Variants in CAPN7 observed in about 807,000 individuals in gnomAD.
The protein encoded by CAPN7 is calpain 7.
In CAPN7, 72 loss-of-function variants were observed where a neutral mutation model predicts 115.2. That is an observed-to-expected ratio of 0.63 (90% confidence interval 0.52 to 0.76). CAPN7 has a LOEUF of 0.76. CAPN7 is among the 30% of genes least tolerant of loss of function. The pLI, the probability that CAPN7 is intolerant of heterozygous loss-of-function variation, is 0.00. For synonymous variants in CAPN7, 344 were observed against 322.3 expected, an observed-to-expected ratio of 1.07 and a Z score of -0.72; for missense variants, 905 against 971.5, an observed-to-expected ratio of 0.93 and a Z score of 0.91.
chr3:15,235,585 A>T (rs904240384), intron 12 of CAPN7, among the ~76,000 whole-genome samples: 4 of 152,042 alleles, frequency 2.6e-5, no homozygotes, highest in African/African-American at 9.7e-5. Flanking sequence ...TCAGGATAAA[A>T]CTGTTTTACC....
In CAPN7 at chr3:15,240,759, T is replaced by G; in HGVS notation, c.1558T>G (p.Phe520Val). ...RTAQKIDNGI[F>V]WISWDDLCQY... Reference sequence around the variant, plus strand: ...ACAAAGATATTAATTTTCAGGAATATTTTGGATTTCCTGGGATGATCTCTG... The same window carrying G: ...ACAAAGATATTAATTTTCAGGAATAGTTTGGATTTCCTGGGATGATCTCTG... The change falls in exon 14 of 21, where the codon TTT (phenylalanine) becomes GTT (valine). Residue 520 changes from phenylalanine (F) to valine (V), a missense_variant. Coordinates refer to ENST00000253693, the MANE Select transcript of CAPN7 (RefSeq NM_014296.3). 6.2e-7 allele frequency: 1 copy of G among 1,602,548 alleles called. No individual in the cohort carries two copies. Among genetic ancestry groups the G allele is most frequent in the Non-Finnish European group, 8.5e-7 (1 of 1,172,982 alleles).
rs1013001651 is a variant in CAPN7, at chr3:15,206,277, C to T, written c.-219C>T. The T allele has an allele frequency of 1.9e-5, 8 of 428,120 alleles. No homozygotes were observed. The highest frequency in any genetic ancestry group is 1.3e-4 in the African/African-American group (6 of 47,462). 26.5% of individuals were successfully genotyped at this position (428,120 alleles called of 1,614,324 possible). On this transcript the variant is annotated 5_prime_UTR_variant, in exon 1 of 21. Transcript: ENST00000253693. ...CGCTGGGGCCGCGAAGTGGGGCGGC[C>T]GGGTGGGCTACAAGCCGGGTCTGGG...
intron 5 of CAPN7, 46 bp downstream of exon 5, chr3:15,221,027 G>T: frequency 6.9e-7 from 1 of 1,454,136 alleles, no homozygotes; most frequent in South Asian, 1.2e-5. Flanking sequence ...TTGTTAACAT[G>T]AATGCAGAAT....
At chr3:15,232,380 T>C (rs887766114) in intron 9 of CAPN7, 139 bp from the exon 10 acceptor site, 3 of 616,168 alleles carry the variant, frequency 4.9e-6, no homozygotes, top group African/African-American at 1.9e-5. Flanking sequence ...TTGGTATGAT[T>C]CTAGAAACAT....
rs769349556 is a variant in CAPN7, at chr3:15,245,710, A to T, written c.2010+39A>T. 4 of 1,584,198 alleles carry T rather than the reference A, an allele frequency of 2.5e-6. No homozygotes were observed. In the African/African-American group the frequency reaches 4.1e-5, roughly 16 times the overall value. ...ACACACAATGACAAAACACAGTAAT[A>T]TAAAGTATGTAATATGCTCTGCTTT... On this transcript the variant is annotated intron_variant, in intron 17 of 20. Transcript: ENST00000253693.
In CAPN7 at chr3:15,247,378, G is replaced by C; in HGVS notation, c.2125G>C (p.Glu709Gln). ...TGCTGGAGGATGTGGAAATTTCCAA[G>C]AGACTCACAAAAATAACCCCATCTA... ...QSAGGCGNFQ[E>Q]THKNNPIYQF... The change falls in exon 19 of 21, where the codon GAG becomes CAG. Residue 709 changes from glutamate (E) to glutamine (Q), a missense_variant. Coordinates refer to ENST00000253693, the MANE Select transcript of CAPN7 (RefSeq NM_014296.3). 1 of 1,611,154 alleles carries C rather than the reference G, an allele frequency of 6.2e-7. No homozygotes were observed. The highest frequency in any genetic ancestry group is 8.5e-7 in the Non-Finnish European group (1 of 1,178,528).
chr3:15,209,271 A>G (rs1176456833), intron 1 of CAPN7, among the ~76,000 whole-genome samples: 1 of 152,144 alleles, frequency 6.6e-6, no homozygotes. Flanking sequence ...CGGCTTCCCA[A>G]AGTGCTGGGA....
At chr3:15,206,841 A>C (rs1008093014) in intron 1 of CAPN7, among the ~76,000 whole-genome samples, 23 of 152,232 alleles carry the variant, frequency 1.5e-4, no homozygotes, top group African/African-American at 5.3e-4. Context: ...CTGACTGGCA[A>C]ATGCCCACCG....
chr3:15,220,363 A>G (rs1693902721), intron 4 of CAPN7, among the ~76,000 whole-genome samples: 1 of 152,052 alleles, frequency 6.6e-6, no homozygotes, highest in African/African-American at 2.4e-5. Flanking sequence ...CCCTTCTCCA[A>G]CTCATCCCCA....
intron 12 of CAPN7, among the ~76,000 whole-genome samples, chr3:15,237,986 A>G (rs1203377665): frequency 1.3e-5 from 2 of 151,914 alleles, no homozygotes; most frequent in East Asian, 1.9e-4. Flanking sequence ...GTATATTTAT[A>G]TATAAAGGTT....
chr3:15,223,463 C>T lies in CAPN7; in HGVS notation c.639-12C>T, dbSNP rs754379549. ...AACTTGAACATTTAGGTTTTTTTCTCGTGTTTGATAGGACAACATCAAAAA... is the reference window on the plus strand; with the variant it reads ...AACTTGAACATTTAGGTTTTTTTCTTGTGTTTGATAGGACAACATCAAAAA... On this transcript the variant is annotated splice_polypyrimidine_tract_variant and intron_variant, in intron 5 of 20. Coordinates refer to ENST00000253693, the MANE Select transcript of CAPN7 (RefSeq NM_014296.3). 18 of 1,549,308 alleles carry T rather than the reference C, an allele frequency of 1.2e-5. No homozygotes were observed. The Admixed American group carries it at 2.0e-4, about 17-fold the overall frequency.
At chr3:15,227,726 A>T in intron 6 of CAPN7, 113 bp from the exon 7 acceptor site, 1 of 493,650 alleles carries the variant, frequency 2.0e-6, no homozygotes, top group Non-Finnish European at 3.3e-6. Flanking sequence ...TTAAGATAAT[A>T]CAGTACTGCT....
At chr3:15,217,336 G>A (rs1693688840) in intron 2 of CAPN7, 89 bp from the exon 3 acceptor site, 3 of 1,144,896 alleles carry the variant, frequency 2.6e-6, no homozygotes, top group Non-Finnish European at 3.6e-6. Flanking sequence ...ACAGGGTTTT[G>A]GTAAAAAATG....
rs377285148 is a variant in CAPN7, at chr3:15,240,897, A to C, written c.1652+44A>C. ...CAGAGTATGCTTTATAATAGCATCC[A>C]CTTTCCTCACTTAAAAACATAATGG... On this transcript the variant is annotated intron_variant, in intron 14 of 20. Coordinates refer to ENST00000253693, the MANE Select transcript of CAPN7 (RefSeq NM_014296.3). The C allele has an allele frequency of 1.2e-5, 14 of 1,187,628 alleles. No individual in the cohort carries two copies. The African/African-American group carries it at 2.0e-4, about 17-fold the overall frequency. 73.6% of individuals were successfully genotyped at this position (1,187,628 alleles called of 1,614,324 possible). A position where few individuals can be genotyped will look rare whatever the true frequency, so the allele number is the denominator to read the frequency against.
intron 12 of CAPN7, 33 bp from the exon 13 acceptor site, chr3:15,240,440 C>T (rs755977941): frequency 6.3e-7 from 1 of 1,594,452 alleles, no homozygotes; most frequent in Admixed American, 1.8e-5. Context: ...TGTTTTACAA[C>T]TTAATGTTAT....
At chr3:15,247,489 A>G (rs771142534) in intron 19 of CAPN7, 32 bp downstream of exon 19, 7 of 1,561,034 alleles carry the variant, frequency 4.5e-6, no homozygotes, top group Admixed American at 4.1e-5. Context: ...TAAATTAATG[A>G]TGTTCTATTA....
chr3:15,224,821 C>A (rs921796701), intron 6 of CAPN7, among the ~76,000 whole-genome samples: 6 of 152,052 alleles, frequency 3.9e-5, no homozygotes, highest in African/African-American at 1.4e-4. Context: ...TTTTTATTTT[C>A]TAGTGTTTTG....
At chr3:15,208,884 C>G (rs1314367439) in intron 1 of CAPN7, among the ~76,000 whole-genome samples, 1 of 152,084 alleles carries the variant, frequency 6.6e-6, no homozygotes, top group Non-Finnish European at 1.5e-5. Flanking sequence ...GTCACCTTTT[C>G]TTTTAGAAAG....
chr3:15,215,900 A>G (rs1453120419), intron 2 of CAPN7, among the ~76,000 whole-genome samples: 3 of 152,202 alleles, frequency 2.0e-5, no homozygotes, highest in Admixed American at 6.5e-5. Context: ...AGCCTGGCCA[A>G]CAGGGTGAAA....
Sources: gnomAD v4.1 joint callset for allele counts (sites outside exome capture counted in the v4.1 genomes callset) on GRCh38, gnomAD v4.1.1 for gene constraint, MANE v1.5 for transcripts, NCBI Gene and HGNC (gene_info 2026-07-23, HGNC 2026-07-21) for gene names.